Variants in NCKAP5 observed in about 807,000 individuals in gnomAD.
The protein encoded by NCKAP5 is NCK associated protein 5.
In NCKAP5, 92 loss-of-function variants were observed where a neutral mutation model predicts 167.0. The observed-to-expected ratio is 0.55, with a 90% confidence interval of 0.47 to 0.66. NCKAP5 has a LOEUF of 0.66. Ranked by LOEUF, NCKAP5 falls within the 30% of genes least tolerant of loss-of-function variation. The pLI is 0.00. For missense variants in NCKAP5, 2,378 were observed against 2,315.0 expected (o/e 1.03, Z -0.56); for synonymous variants, 891 against 877.4 (o/e 1.02, Z -0.27).
In NCKAP5 at chr2:132,773,870, G is replaced by A. The variant is rs1200890365; in HGVS notation, c.5074C>T (p.Gln1692Ter). The change falls in exon 16 of 20, where the codon CAA becomes TAA. Residue 1692 changes from glutamine to a stop codon, truncating the protein, a stop_gained. Coordinates refer to ENST00000409261, the MANE Select transcript of NCKAP5 (RefSeq NM_207363.3). LOFTEE classifies it high-confidence loss of function. ...GCAACTGCATCGTCTTCATCCTCTT[G>A]CAAGTTTTCATTTGCCTCTTTTACC... is the stretch of plus-strand genomic sequence containing the variant. ...SLVKEANENL[Q>*]EDEDDAVADS... 1.2e-6 allele frequency: 2 copies of A among 1,610,014 alleles called. No individual in the cohort carries two copies. Among genetic ancestry groups the A allele is most frequent in the African/African-American group, 1.3e-5 (1 of 74,726 alleles).
At chr2:133,652,454 T>C in the NCKAP5 span, among the ~76,000 whole-genome samples, 1 of 152,168 alleles carries the variant, frequency 6.6e-6, no homozygotes, top group African/African-American at 2.4e-5. Flanking sequence ...CAATGACAAT[T>C]AAATGGAAAG....
chr2:133,018,838 C>T lies in NCKAP5; in HGVS notation c.342-24599G>A, dbSNP rs1303355028. On this transcript the variant is annotated intron_variant, in intron 6 of 19. Transcript: ENST00000409261. The stretch of plus-strand genomic sequence containing the variant: ...TTTATCTCAAAAAGAAGCCAGTTCA[C>T]GGTCAGCATGATATAAAGTCACAGA... Among the ~76,000 whole-genome samples, 7 of 152,284 alleles carry T rather than the reference C, an allele frequency of 4.6e-5. No homozygotes were observed. The East Asian group carries it at 7.7e-4, about 17-fold the overall frequency.
At chr2:132,827,975 G>C (rs1687250041) in intron 11 of NCKAP5, among the ~76,000 whole-genome samples, 1 of 152,178 alleles carries the variant, frequency 6.6e-6, no homozygotes, top group Non-Finnish European at 1.5e-5. Flanking sequence ...CTTTGGCTTT[G>C]AAGTCAGATT....
At chr2:133,591,091 C>T in the NCKAP5 span, among the ~76,000 whole-genome samples, 12 of 152,072 alleles carry the variant, frequency 7.9e-5, no homozygotes, top group African/African-American at 2.7e-4. Flanking sequence ...TGCTGGAGTC[C>T]ACACTGCAGA....
intron 8 of NCKAP5, among the ~76,000 whole-genome samples, chr2:132,947,568 C>T (rs1458345504): frequency 6.6e-6 from 1 of 152,022 alleles, no homozygotes; most frequent in East Asian, 1.9e-4. Context: ...TAGCAGGGCC[C>T]CTCTGCTTGT....
At chr2:133,044,210 G>A (rs781043906) in intron 6 of NCKAP5, among the ~76,000 whole-genome samples, 10 of 152,070 alleles carry the variant, frequency 6.6e-5, no homozygotes, top group Non-Finnish European at 1.3e-4. Context: ...CAGAATCGCA[G>A]AAGTACAAAT....
chr2:133,028,664 C>T (rs1573793691), intron 6 of NCKAP5, among the ~76,000 whole-genome samples: 1 of 152,174 alleles, frequency 6.6e-6, no homozygotes, highest in African/African-American at 2.4e-5. Context: ...GCTTTAACAA[C>T]AAAACCTTTT....
chr2:132,773,539 G>C (rs925927496), intron 16 of NCKAP5, among the ~76,000 whole-genome samples: 1 of 152,098 alleles, frequency 6.6e-6, no homozygotes, highest in Non-Finnish European at 1.5e-5. Flanking sequence ...TATAGAAACT[G>C]GATTACTCAG....
intron 4 of NCKAP5, among the ~76,000 whole-genome samples, chr2:133,295,533 A>G (rs554089952): frequency 9.0e-4 from 137 of 152,214 alleles, no homozygotes; most frequent in African/African-American, 3.2e-3. Context: ...GACGCAGAGT[A>G]TTGGTGTTTC....
chr2:133,587,271 A>G, the NCKAP5 span, among the ~76,000 whole-genome samples: 1 of 152,182 alleles, frequency 6.6e-6, no homozygotes, highest in Non-Finnish European at 1.5e-5. Context: ...TCAGGCCTGC[A>G]AAATGGAGAC....
intron 3 of NCKAP5, among the ~76,000 whole-genome samples, chr2:133,384,867 T>C (rs956765869): frequency 1.3e-5 from 2 of 152,188 alleles, no homozygotes; most frequent in Non-Finnish European, 2.9e-5. Context: ...TGGTGTATAA[T>C]AATGCTTGTG....
At chr2:132,874,952 CATT>C (rs1437941311) in intron 9 of NCKAP5, among the ~76,000 whole-genome samples, 1 of 151,610 alleles carries the variant, frequency 6.6e-6, no homozygotes, top group Non-Finnish European at 1.5e-5. Flanking sequence ...TTATCTCAGA[CATT>C]GTTGTGGAAT....
At chr2:133,395,003 C>G (rs149261654) in intron 3 of NCKAP5, among the ~76,000 whole-genome samples, 1 of 152,290 alleles carries the variant, frequency 6.6e-6, no homozygotes, top group African/African-American at 2.4e-5. Flanking sequence ...TAGCAGAATG[C>G]CTGCCAGTAG....
chr2:133,308,857 C>T (rs1347565686), intron 3 of NCKAP5, among the ~76,000 whole-genome samples: 2 of 148,394 alleles, frequency 1.3e-5, no homozygotes, highest in African/African-American at 2.5e-5. Flanking sequence ...ATTACAGGCG[C>T]CCGCCACCGC....
chr2:132,905,683 T>C (rs1693953517), intron 8 of NCKAP5, among the ~76,000 whole-genome samples: 1 of 152,190 alleles, frequency 6.6e-6, no homozygotes, highest in Non-Finnish European at 1.5e-5. Context: ...AAAAATAGTA[T>C]TTTATAACCT....
intron 4 of NCKAP5, among the ~76,000 whole-genome samples, chr2:133,274,268 T>A (rs531915997): frequency 2.6e-4 from 40 of 152,060 alleles, no homozygotes; most frequent in African/African-American, 9.1e-4. Flanking sequence ...AAGTGTATAC[T>A]TTTTAGGAGA....
intron 8 of NCKAP5, among the ~76,000 whole-genome samples, chr2:132,941,072 G>A (rs1263720705): frequency 6.6e-6 from 1 of 152,170 alleles, no homozygotes; most frequent in Non-Finnish European, 1.5e-5. Flanking sequence ...TAGAGACAGT[G>A]AGTGAAAGTT....
chr2:133,316,802 T>C (rs894726187), intron 3 of NCKAP5, among the ~76,000 whole-genome samples: 12 of 152,166 alleles, frequency 7.9e-5, no homozygotes, highest in Non-Finnish European at 1.5e-5. Flanking sequence ...ACAAAAGTAA[T>C]GGACCAGATC....
At chr2:132,739,046 G>A (rs927795771) in intron 16 of NCKAP5, among the ~76,000 whole-genome samples, 4 of 151,974 alleles carry the variant, frequency 2.6e-5, no homozygotes, top group African/African-American at 7.3e-5. Context: ...TACCATATTC[G>A]TTCACATAGC....
Sources: allele counts gnomAD v4.1 joint callset (sites outside exome capture counted in the v4.1 genomes callset), GRCh38; gene constraint gnomAD v4.1.1; transcripts MANE v1.5; gene names NCBI Gene and HGNC (gene_info 2026-07-23, HGNC 2026-07-21).